Variants in KCNQ1OT1 observed in about 807,000 individuals in gnomAD.
KCNQ1OT1 encodes the protein KCNQ1 opposite strand/antisense transcript 1, also known as KCNQ1 antisense RNA 2 (non-protein coding).
Position 2,668,944 on chromosome 11 carries a change from G to A in KCNQ1OT1, n.31051C>T. On this transcript the variant is annotated non_coding_transcript_exon_variant, in exon 1 of 1. Coordinates refer to ENST00000597346, the Ensembl canonical transcript of KCNQ1OT1. This position sits in a 1 kb window ranked among gnomAD's most constrained non-coding sequence, Gnocchi z 4.3. ...TAGCTCACCTTTCCCATGTAGATCTGCACTCCATCTGGGATTGATTTTTGT... is the reference window on the plus strand; with the variant it reads ...TAGCTCACCTTTCCCATGTAGATCTACACTCCATCTGGGATTGATTTTTGT... 7.5e-6 allele frequency: 3 copies of A among 397,554 alleles called. No homozygotes were observed. Among genetic ancestry groups the A allele is most frequent in the Non-Finnish European group, 1.3e-5 (3 of 225,742 alleles). The allele number at this position is 397,554 out of a possible 1,614,324, so 24.6% of individuals were successfully genotyped here.
exon 1 of KCNQ1OT1, chr11:2,686,866 T>G (rs1449779358): frequency 2.5e-6 from 1 of 398,458 alleles, no homozygotes; most frequent in Admixed American, 4.4e-5. Flanking sequence ...GAGGCCCTGG[T>G]TTGTGTCTGC....
rs1329641538 is a variant in KCNQ1OT1, at chr11:2,663,059, G to A, written n.36936C>T. Reference sequence around the variant, plus strand: ...GGGCTGCAGGTGTAACCAGAGAACTGGCAGGGTTGGGTAGCCAGAATGAGG... The same window carrying A: ...GGGCTGCAGGTGTAACCAGAGAACTAGCAGGGTTGGGTAGCCAGAATGAGG... On this transcript the variant is annotated non_coding_transcript_exon_variant, in exon 1 of 1. Transcript: ENST00000597346. This position sits in a 1 kb window ranked among gnomAD's most constrained non-coding sequence, Gnocchi z 5.2. 4 of 398,580 alleles carry A rather than the reference G, an allele frequency of 1.0e-5. No individual in the cohort carries two copies. The highest frequency in any genetic ancestry group is 4.4e-5 in the Admixed American group (1 of 22,724). The allele number at this position is 398,580 out of a possible 1,614,324, so 24.7% of individuals were successfully genotyped here.
rs969367033 is a variant in KCNQ1OT1 at position 2,663,854 on chromosome 11, C to A, written n.36141G>T. 7.5e-6 allele frequency: 3 copies of A among 398,604 alleles called. No homozygotes were observed. The highest frequency in any genetic ancestry group is 8.8e-6 in the Non-Finnish European group (2 of 226,092). 24.7% of individuals were successfully genotyped at this position (398,604 alleles called of 1,614,324 possible). On this transcript the variant is annotated non_coding_transcript_exon_variant, in exon 1 of 1. Transcript: ENST00000597346. This position sits in a 1 kb window ranked among gnomAD's most constrained non-coding sequence, Gnocchi z 5.2. ...TCAGCACATGCCAAGCTCCCTGGAG[C>A]CAGAGGTTACCCACCTGCCCAAGGG...
rs1484584682 is a variant in KCNQ1OT1, at chr11:2,659,962, T to C, written n.40033A>G. The C allele has an allele frequency of 1.3e-5, 5 of 398,374 alleles. No homozygotes were observed. Among genetic ancestry groups the C allele is most frequent in the African/African-American group, 4.1e-5 (2 of 48,648 alleles). The allele number at this position is 398,374 out of a possible 1,614,324, so 24.7% of individuals were successfully genotyped here. A position where few individuals can be genotyped will look rare whatever the true frequency, so the allele number is the denominator to read the frequency against. On this transcript the variant is annotated non_coding_transcript_exon_variant, in exon 1 of 1. Coordinates refer to ENST00000597346, the Ensembl canonical transcript of KCNQ1OT1. The surrounding 1 kb of genome is among the most constrained non-coding windows in gnomAD (Gnocchi z 4.3). The stretch of plus-strand genomic sequence containing the variant: ...CAAGTCCTTGACCTGATAGGTGATA[T>C]GCAAATATTCTTTCCAAGTCTGTGC...
At chr11:2,609,279 A>G (rs1291685024) in exon 1 of KCNQ1OT1, 2 of 398,178 alleles carry the variant, frequency 5.0e-6, no homozygotes, top group South Asian at 1.3e-4. Context: ...TCTTTCACCC[A>G]TTGATTATTT....
chr11:2,650,298 T>C (rs1849736773), exon 1 of KCNQ1OT1: 2 of 398,538 alleles, frequency 5.0e-6, no homozygotes, highest in Non-Finnish European at 8.8e-6. Context: ...TTGTGTTCTT[T>C]TGGCAAGTCA....
exon 1 of KCNQ1OT1, chr11:2,684,150 C>T: frequency 2.5e-6 from 1 of 398,646 alleles, no homozygotes. Flanking sequence ...GAATGGGGTA[C>T]ACCAGAGGAC....
chr11:2,686,497 A>G, exon 1 of KCNQ1OT1: 1 of 398,658 alleles, frequency 2.5e-6, no homozygotes, highest in Non-Finnish European at 4.4e-6. Context: ...ACCCTCACCC[A>G]GTGTTGAGTC....
rs1312560445 is a variant in KCNQ1OT1 at position 2,687,941 on chromosome 11, C to T, written n.12054G>A. 2.5e-6 allele frequency: 1 copy of T among 398,784 alleles called. No homozygotes were observed. Among genetic ancestry groups the T allele is most frequent in the Non-Finnish European group, 4.4e-6 (1 of 226,170 alleles). 24.7% of individuals were successfully genotyped at this position (398,784 alleles called of 1,614,324 possible). On this transcript the variant is annotated non_coding_transcript_exon_variant, in exon 1 of 1. Transcript: ENST00000597346. The surrounding 1 kb of genome is among the most constrained non-coding windows in gnomAD (Gnocchi z 5.0). ...AGTTGTGAGGCTGCACTTCTCCCACCCGCTGTGGGTCAGCCAGGCCGCTGC... is the reference window on the plus strand; with the variant it reads ...AGTTGTGAGGCTGCACTTCTCCCACTCGCTGTGGGTCAGCCAGGCCGCTGC...
Position 2,621,846 on chromosome 11 carries a change from T to C in KCNQ1OT1, n.78149A>G. On this transcript the variant is annotated non_coding_transcript_exon_variant, in exon 1 of 1. Coordinates refer to ENST00000597346, the Ensembl canonical transcript of KCNQ1OT1. The surrounding 1 kb of genome is among the most constrained non-coding windows in gnomAD (Gnocchi z 5.7). ...TTGAAGTCTTAGTTTTACTGACTTT[T>C]TTCCCCTATGGTTTTTCTTTCTAAC... is the stretch of plus-strand genomic sequence containing the variant. 2.5e-6 allele frequency: 1 copy of C among 398,388 alleles called. No homozygotes were observed. Among genetic ancestry groups the C allele is most frequent in the Non-Finnish European group, 4.4e-6 (1 of 225,952 alleles). The allele number at this position is 398,388 out of a possible 1,614,324, so 24.7% of individuals were successfully genotyped here. A position where few individuals can be genotyped will look rare whatever the true frequency, so the allele number is the denominator to read the frequency against.
exon 1 of KCNQ1OT1, chr11:2,650,509 A>G (rs1849740757): frequency 2.5e-6 from 1 of 398,662 alleles, no homozygotes; most frequent in East Asian, 3.6e-5. Flanking sequence ...ACAATTAATT[A>G]GACTATAATC....
chr11:2,658,448 T>G lies in KCNQ1OT1; in HGVS notation n.41547A>C. On this transcript the variant is annotated non_coding_transcript_exon_variant, in exon 1 of 1. Transcript: ENST00000597346. The surrounding 1 kb of genome is among the most constrained non-coding windows in gnomAD (Gnocchi z 4.9). Reference sequence around the variant, plus strand: ...CTGTGGCCACTGGTGGGTTCATGTGTCCTTTTGATGTGCCCCCCGCCATCC... The same window carrying G: ...CTGTGGCCACTGGTGGGTTCATGTGGCCTTTTGATGTGCCCCCCGCCATCC... The G allele has an allele frequency of 2.5e-6, 1 of 398,614 alleles. No homozygotes were observed. Among genetic ancestry groups the G allele is most frequent in the Non-Finnish European group, 4.4e-6 (1 of 226,054 alleles). The allele number at this position is 398,614 out of a possible 1,614,324, so 24.7% of individuals were successfully genotyped here. A position where few individuals can be genotyped will look rare whatever the true frequency, so the allele number is the denominator to read the frequency against.
exon 1 of KCNQ1OT1, chr11:2,632,422 C>T (rs559011223): frequency 5.3e-5 from 21 of 398,214 alleles, no homozygotes; most frequent in South Asian, 3.8e-4. Flanking sequence ...GGCTAAAATG[C>T]GCATCTTGCT....
At chr11:2,681,255 C>T (rs1280221175) in exon 1 of KCNQ1OT1, 3 of 398,426 alleles carry the variant, frequency 7.5e-6, no homozygotes, top group Non-Finnish European at 1.3e-5. Flanking sequence ...CCTGCCTCCC[C>T]AGGAGAGAGC....
exon 1 of KCNQ1OT1, chr11:2,680,343 G>A (rs1402225146): frequency 1.0e-5 from 4 of 396,236 alleles, no homozygotes; most frequent in Admixed American, 4.4e-5. Context: ...AGTCTTTCCA[G>A]CCACAAATAG....
exon 1 of KCNQ1OT1, chr11:2,629,905 G>A (rs1394065007): frequency 2.5e-6 from 1 of 398,162 alleles, no homozygotes; most frequent in Non-Finnish European, 4.4e-6. Context: ...TGATTTGAGT[G>A]TATTTATTTA....
chr11:2,697,098 T>C, exon 1 of KCNQ1OT1: 1 of 398,632 alleles, frequency 2.5e-6, no homozygotes, highest in Non-Finnish European at 4.4e-6. Context: ...GCCTTTTCTT[T>C]CATTCTCACA....
At chr11:2,632,362 T>G (rs1486482175) in exon 1 of KCNQ1OT1, 4 of 398,340 alleles carry the variant, frequency 1.0e-5, no homozygotes, top group Non-Finnish European at 1.8e-5. Flanking sequence ...ATGCCTTTAT[T>G]TCTTTTCCAT....
rs1054525137 is a variant in KCNQ1OT1 at position 2,654,672 on chromosome 11, G to A, written n.45323C>T. The A allele has an allele frequency of 7.5e-6, 3 of 398,834 alleles. No individual in the cohort carries two copies. The highest frequency in any genetic ancestry group is 2.1e-5 in the African/African-American group (1 of 48,618). 24.7% of individuals were successfully genotyped at this position (398,834 alleles called of 1,614,324 possible). A position where few individuals can be genotyped will look rare whatever the true frequency, so the allele number is the denominator to read the frequency against. ...TGAGGGCAGAGGGCAGCAGAGATGGGCTGGAGCTTTGAGCTTTGTCATAGG... is the reference window on the plus strand; with the variant it reads ...TGAGGGCAGAGGGCAGCAGAGATGGACTGGAGCTTTGAGCTTTGTCATAGG... On this transcript the variant is annotated non_coding_transcript_exon_variant, in exon 1 of 1. Coordinates refer to ENST00000597346, the Ensembl canonical transcript of KCNQ1OT1. This position sits in a 1 kb window ranked among gnomAD's most constrained non-coding sequence, Gnocchi z 6.4.
Sources: gnomAD v4.1 joint callset for allele counts on GRCh38, gnomAD v4.1.1 for gene constraint, Gnocchi (gnomAD v3.1) non-coding constraint, MANE v1.5 for transcripts, NCBI Gene and HGNC (gene_info 2026-07-23, HGNC 2026-07-21) for gene names.